Variants in COX6B1 observed in about 807,000 individuals in gnomAD.
COX6B1 encodes cytochrome c oxidase subunit 6B1.
A neutral mutation model predicts 14.0 loss-of-function variants in COX6B1; 2 were observed. That is an observed-to-expected ratio of 0.14 (90% CI 0.06 to 0.45). The LOEUF (loss-of-function observed/expected upper bound fraction) is 0.45. COX6B1 is among the 20% of genes least tolerant of loss of function. The probability of loss-of-function intolerance (pLI) is 0.98; values close to 1 mark genes in which losing one functional copy is unlikely to be tolerated. For missense variants in COX6B1, 81 were observed against 114.2 expected, an observed-to-expected ratio of 0.71 and a Z score of 1.33; for synonymous variants, 30 against 39.7, an observed-to-expected ratio of 0.76 and a Z score of 0.92.
At chr19:35,653,043 A>G (rs1411143181) in intron 2 of COX6B1, among the ~76,000 whole-genome samples, 1 of 143,654 alleles carries the variant, frequency 7.0e-6, no homozygotes, top group African/African-American at 2.6e-5. Context: ...ATCTCGACTC[A>G]CTGCAACCTC....
intron 3 of COX6B1, among the ~76,000 whole-genome samples, chr19:35,658,074 G>A (rs971019951): frequency 9.9e-5 from 15 of 152,134 alleles, no homozygotes; most frequent in African/African-American, 3.1e-4. Context: ...TGACAGGTGC[G>A]AGTCACCACA....
In COX6B1 at chr19:35,656,479, C is replaced by CTT. The variant is rs371195079; in HGVS notation, c.207+1826_207+1827dup. ...TTATGGGCCAGCTATGTTGTTAGACCTTTTTTTTTTTTTTTTTTTGAGATG... is the reference window on the plus strand; with the variant it reads ...TTATGGGCCAGCTATGTTGTTAGACCTTTTTTTTTTTTTTTTTTTTTGAGATG... On this transcript the variant is annotated intron_variant, in intron 3 of 3. Transcript: ENST00000649813. Among the ~76,000 whole-genome samples, 232 of 122,564 alleles carry CTT rather than the reference C, an allele frequency of 1.9e-3. 2 individuals are homozygous for CTT. Among genetic ancestry groups the CTT allele is most frequent in the African/African-American group, 5.6e-3 (174 of 31,190 alleles). 80.4% of individuals were successfully genotyped at this position (122,564 alleles called of 152,430 possible). A position where few individuals can be genotyped will look rare whatever the true frequency, so the allele number is the denominator to read the frequency against.
chr19:35,656,728 G>T (rs766989026), intron 3 of COX6B1, among the ~76,000 whole-genome samples: 1 of 152,140 alleles, frequency 6.6e-6, no homozygotes, highest in African/African-American at 2.4e-5. Flanking sequence ...TGATGCACCT[G>T]CTTCGGCCTC....
chr19:35,648,935 G>A, intron 1 of COX6B1: 1 of 533,402 alleles, frequency 1.9e-6, no homozygotes, highest in South Asian at 1.4e-5. Context: ...CTGCGTCTGT[G>A]CCCCAGCAGC....
At chr19:35,652,785 T>G (rs1315033805) in intron 2 of COX6B1, among the ~76,000 whole-genome samples, 1 of 151,770 alleles carries the variant, frequency 6.6e-6, no homozygotes, top group Non-Finnish European at 1.5e-5. Flanking sequence ...ATTATTTTAT[T>G]TTATTTTATA....
At chr19:35,653,193 T>C (rs1357043663) in intron 2 of COX6B1, among the ~76,000 whole-genome samples, 1 of 151,338 alleles carries the variant, frequency 6.6e-6, no homozygotes, top group African/African-American at 2.4e-5. Flanking sequence ...CAGGCTGGTC[T>C]TAAACTCCTG....
rs201541556 is a variant in COX6B1 at position 35,656,028 on chromosome 19, C to T, written c.207+1357C>T. Among the ~76,000 whole-genome samples the T allele has an allele frequency of 2.6e-5, 4 of 151,940 alleles. No individual in the cohort carries two copies. The East Asian group carries it at 5.8e-4, about 22-fold the overall frequency. On this transcript the variant is annotated intron_variant, in intron 3 of 3. Transcript: ENST00000649813. ...TTTTTTTGTAGAAATGGGGTTTCGC[C>T]TTGTTGCCCAGACTGGTCTCGAACT...
intron 3 of COX6B1, among the ~76,000 whole-genome samples, chr19:35,655,076 C>T (rs1050513256): frequency 1.4e-5 from 2 of 144,388 alleles, no homozygotes; most frequent in African/African-American, 5.2e-5. Flanking sequence ...GCTGGAAAGG[C>T]TGGAGTGCAG....
intron 3 of COX6B1, 56 bp downstream of exon 3, chr19:35,654,727 G>A (rs962011574): frequency 2.0e-6 from 3 of 1,507,988 alleles, no homozygotes; most frequent in Non-Finnish European, 1.8e-6. Context: ...TAGCAGAGGG[G>A]AGTGTGGTGG....
intron 1 of COX6B1, among the ~76,000 whole-genome samples, chr19:35,649,532 A>G (rs1368213175): frequency 6.7e-6 from 1 of 150,310 alleles, no homozygotes. Flanking sequence ...AGGCTGGAGT[A>G]CAATGGCACA....
intron 1 of COX6B1, among the ~76,000 whole-genome samples, chr19:35,650,266 G>A (rs1415636705): frequency 6.6e-6 from 1 of 152,146 alleles, no homozygotes; most frequent in Non-Finnish European, 1.5e-5. Flanking sequence ...GCCTCCCAAA[G>A]TGCTAGGATT....
intron 1 of COX6B1, among the ~76,000 whole-genome samples, chr19:35,649,904 G>A (rs1377010220): frequency 1.3e-5 from 2 of 151,936 alleles, no homozygotes; most frequent in East Asian, 3.9e-4. Flanking sequence ...TTACAGGTGT[G>A]AACCATTGTG....
rs1967821485 is a variant in COX6B1, at chr19:35,651,272, A to G, written c.29A>G (p.Lys10Arg). MAEDMETKI[K>R]NYKTAPFDSR... ...GCGGAAGACATGGAGACCAAAATCAAGAACTACAAGACCGCCCCTTTTGAC... is the reference window on the plus strand; with the variant it reads ...GCGGAAGACATGGAGACCAAAATCAGGAACTACAAGACCGCCCCTTTTGAC... Residue 10 changes from lysine (K) to arginine (R), a missense_variant, in exon 2 of 4, where the codon AAG (lysine) becomes AGG (arginine). Coordinates refer to ENST00000649813, the MANE Select transcript of COX6B1 (RefSeq NM_001863.5). 6.2e-7 allele frequency: 1 copy of G among 1,614,000 alleles called. No individual in the cohort carries two copies. The highest frequency in any genetic ancestry group is 1.3e-5 in the African/African-American group (1 of 74,922).
At chr19:35,648,524 G>T in intron 1 of COX6B1, 121 bp downstream of exon 1, 1 of 225,658 alleles carries the variant, frequency 4.4e-6, no homozygotes. Flanking sequence ...CCTGGACCCC[G>T]GGGCCCTGTT....
intron 1 of COX6B1, chr19:35,648,795 G>A: frequency 1.9e-6 from 1 of 528,708 alleles, no homozygotes. Context: ...GGCTTGCCTG[G>A]GCCGCAGCCT....
At chr19:35,656,411 G>A (rs928364127) in intron 3 of COX6B1, among the ~76,000 whole-genome samples, 1 of 151,792 alleles carries the variant, frequency 6.6e-6, no homozygotes, top group African/African-American at 2.4e-5. Context: ...TTATGGTGTG[G>A]TATGTGTATG....
chr19:35,649,781 A>G (rs917997317), intron 1 of COX6B1, among the ~76,000 whole-genome samples: 1 of 151,656 alleles, frequency 6.6e-6, no homozygotes, highest in Non-Finnish European at 1.5e-5. Flanking sequence ...CTTCCGGCCA[A>G]TTTTAATATT....
At chr19:35,650,525 A>G (rs188295440) in intron 1 of COX6B1, among the ~76,000 whole-genome samples, 40 of 152,226 alleles carry the variant, frequency 2.6e-4, no homozygotes, top group African/African-American at 8.4e-4. Context: ...CAGTCTGACC[A>G]ACATGGTAAA....
intron 1 of COX6B1, among the ~76,000 whole-genome samples, chr19:35,649,422 G>A (rs969054608): frequency 6.6e-6 from 1 of 151,490 alleles, no homozygotes; most frequent in African/African-American, 2.4e-5. Context: ...CTGTGCAAGC[G>A]ATCCTGCCTC....
Sources: gnomAD v4.1 joint callset for allele counts (sites outside exome capture counted in the v4.1 genomes callset) on GRCh38, gnomAD v4.1.1 for gene constraint, MANE v1.5 for transcripts, NCBI Gene and HGNC (gene_info 2026-07-23, HGNC 2026-07-21) for gene names.